The following TMEM170A variants were observed in gnomAD, a reference collection of about 807,000 sequenced individuals.
TMEM170A encodes the protein transmembrane protein 170.
A neutral mutation model predicts 12.8 loss-of-function variants in TMEM170A; 18 were observed. The observed-to-expected ratio is 1.41, with a 90% CI of 0.97 to 2.09. The LOEUF (loss-of-function observed/expected upper bound fraction) is 2.09. Ranked by LOEUF, TMEM170A falls within the 30% of genes most tolerant of loss-of-function variation. The pLI is 0.00. For synonymous variants in TMEM170A, 107 were observed against 76.2 expected (o/e 1.40, Z -2.11); for missense variants, 220 against 179.9 (o/e 1.22, Z -1.28).
At chr16:75,449,088 A>C (rs1434516753) in intron 2 of TMEM170A, among the ~76,000 whole-genome samples, 2 of 151,916 alleles carry the variant, frequency 1.3e-5, no homozygotes, top group African/African-American at 4.8e-5. Context: ...ATAAATAATA[A>C]AAATTTTAAA....
intron 2 of TMEM170A, among the ~76,000 whole-genome samples, chr16:75,448,003 T>C (rs78873036): frequency 0.013 from 1,904 of 152,312 alleles, 33 homozygotes; most frequent in African/African-American, 0.044. Context: ...ATGACCAGAT[T>C]ATGAACTCAA....
At chr16:75,462,757 C>A (rs1207427380) in intron 1 of TMEM170A, among the ~76,000 whole-genome samples, 1 of 151,956 alleles carries the variant, frequency 6.6e-6, no homozygotes, top group East Asian at 1.9e-4. Context: ...AATGTGTGAA[C>A]CTTAGATCAT....
chr16:75,464,409 C>T, intron 1 of TMEM170A, 59 bp downstream of exon 1: 2 of 1,388,630 alleles, frequency 1.4e-6, no homozygotes, highest in Non-Finnish European at 1.9e-6. Flanking sequence ...TCGGGGCGCC[C>T]ACAGCACGGC....
chr16:75,450,160 G>C (rs868306615), intron 2 of TMEM170A, among the ~76,000 whole-genome samples: 4 of 123,052 alleles, frequency 3.3e-5, no homozygotes, highest in South Asian at 2.7e-4. Context: ...AGAACACAGA[G>C]AAACTAGGCC....
intron 1 of TMEM170A, among the ~76,000 whole-genome samples, chr16:75,457,117 T>C (rs1024555115): frequency 2.0e-5 from 3 of 152,060 alleles, no homozygotes; most frequent in African/African-American, 4.8e-5. Flanking sequence ...TGACCTGAGA[T>C]CAGCCCTGGG....
At chr16:75,463,813 C>G (rs2079947747) in intron 1 of TMEM170A, among the ~76,000 whole-genome samples, 1 of 152,268 alleles carries the variant, frequency 6.6e-6, no homozygotes, top group Non-Finnish European at 1.5e-5. Flanking sequence ...TCCTAGCAGG[C>G]CCAGCTCAAG....
intron 2 of TMEM170A, among the ~76,000 whole-genome samples, chr16:75,448,191 CG>C (rs946200151): frequency 3.3e-5 from 5 of 152,178 alleles, no homozygotes; most frequent in African/African-American, 1.2e-4. Flanking sequence ...AAGAAATGGA[CG>C]GAGGAGGGAC....
At chr16:75,454,458 A>G (rs943824308) in intron 1 of TMEM170A, among the ~76,000 whole-genome samples, 2 of 68,196 alleles carry the variant, frequency 2.9e-5, no homozygotes, top group African/African-American at 9.0e-5. Flanking sequence ...CTCTCTAAAA[A>G]TACACACACA....
chr16:75,454,788 C>T (rs1218921435), intron 1 of TMEM170A, among the ~76,000 whole-genome samples: 2 of 152,204 alleles, frequency 1.3e-5, no homozygotes, highest in Non-Finnish European at 2.9e-5. Flanking sequence ...ATTCCACAGG[C>T]CCCACCTGAC....
chr16:75,455,079 T>G (rs1175568163), intron 1 of TMEM170A, among the ~76,000 whole-genome samples: 2 of 152,140 alleles, frequency 1.3e-5, no homozygotes, highest in Non-Finnish European at 2.9e-5. Flanking sequence ...ATAGATGGGC[T>G]GGGCACAGTG....
At position 75,464,550 on chromosome 16, in the gene TMEM170A, C is replaced by G; in HGVS notation, c.51G>C (p.Gln17His). Residue 17 changes from glutamine to histidine, a missense_variant, in exon 1 of 3, where the codon CAG becomes CAC. By Grantham distance (24) the Gln-to-His change is conservative. Coordinates refer to ENST00000561878, the MANE Select transcript of TMEM170A (RefSeq NM_145254.3). ...GCACAACCTTCAGGCTCAGGATCTG[C>G]TGCAGGAGCCCGGCCGACCCGCCGC... ...GGSGGSAGLL[Q>H]QILSLKVVPR... 3 of 1,589,212 alleles carry G rather than the reference C, an allele frequency of 1.9e-6. No homozygotes were observed. The highest frequency in any genetic ancestry group is 1.7e-6 in the Non-Finnish European group (2 of 1,170,310).
At chr16:75,448,548 A>T (rs897837559) in intron 2 of TMEM170A, among the ~76,000 whole-genome samples, 1 of 152,148 alleles carries the variant, frequency 6.6e-6, no homozygotes, top group Non-Finnish European at 1.5e-5. Context: ...GGATCATCTG[A>T]GCTCAGGAGT....
intron 1 of TMEM170A, among the ~76,000 whole-genome samples, chr16:75,453,213 C>T (rs2079720438): frequency 6.6e-6 from 1 of 152,146 alleles, no homozygotes; most frequent in African/African-American, 2.4e-5. Flanking sequence ...GTGGGCAGGT[C>T]GCTTGAGCCC....
At chr16:75,450,056 AC>A (rs1393114725) in intron 2 of TMEM170A, among the ~76,000 whole-genome samples, 4 of 152,008 alleles carry the variant, frequency 2.6e-5, no homozygotes, top group Admixed American at 6.6e-5. Context: ...GGGTAGTATT[AC>A]CCCTATTTTA....
At chr16:75,457,199 A>C (rs2079814683) in intron 1 of TMEM170A, among the ~76,000 whole-genome samples, 1 of 152,118 alleles carries the variant, frequency 6.6e-6, no homozygotes, top group South Asian at 2.1e-4. Context: ...GCAGTAACTC[A>C]AGGCACTGCT....
At chr16:75,449,554 A>G (rs1249093337) in intron 2 of TMEM170A, among the ~76,000 whole-genome samples, 1 of 152,158 alleles carries the variant, frequency 6.6e-6, no homozygotes, top group East Asian at 1.9e-4. Flanking sequence ...CTTGGACTTA[A>G]GCAATCCTCC....
At chr16:75,449,868 T>C (rs1036164138) in intron 2 of TMEM170A, among the ~76,000 whole-genome samples, 5 of 151,970 alleles carry the variant, frequency 3.3e-5, no homozygotes, top group African/African-American at 9.7e-5. Flanking sequence ...TAAAGTGGGA[T>C]TGGGATAATG....
intron 1 of TMEM170A, among the ~76,000 whole-genome samples, chr16:75,463,049 TAGAG>T (rs138762087): frequency 6.6e-6 from 1 of 151,694 alleles, no homozygotes; most frequent in African/African-American, 2.4e-5. Context: ...GTTATATATA[TAGAG>T]AGAGAGAAAG....
In TMEM170A at chr16:75,446,239, C is replaced by A. The variant is rs1193795791; in HGVS notation, c.*1319G>T. ...CCAGAAACTATTTTGCAGATAACCA[C>A]CACCACTACCACCACACTGATTGTA... On this transcript the variant is annotated 3_prime_UTR_variant, in exon 3 of 3. Transcript: ENST00000561878. 6.6e-6 allele frequency: 1 copy of A among 151,610 alleles called. No individual in the cohort carries two copies. The highest frequency in any genetic ancestry group is 2.4e-5 in the African/African-American group (1 of 41,266). The allele number at this position is 151,610 out of a possible 1,614,324, so 9.4% of individuals were successfully genotyped here. A position where few individuals can be genotyped will look rare whatever the true frequency, so the allele number is the denominator to read the frequency against.
Sources: gnomAD v4.1 joint callset for allele counts (sites outside exome capture counted in the v4.1 genomes callset) on GRCh38, gnomAD v4.1.1 for gene constraint, MANE v1.5 for transcripts, NCBI Gene and HGNC (gene_info 2026-07-23, HGNC 2026-07-21) for gene names.